Variants in NCAPH2 observed in about 807,000 individuals in gnomAD.
NCAPH2 encodes non-SMC condensin II complex subunit H2.
A neutral mutation model predicts 88.6 loss-of-function variants in NCAPH2; 56 were observed. The ratio of observed to expected loss-of-function variants is 0.63; its 90% confidence interval spans 0.51 to 0.79. The LOEUF (loss-of-function observed/expected upper bound fraction) is 0.79, where lower values mean the gene tolerates loss of function less well. Ranked by LOEUF, NCAPH2 falls within the 30% of genes least tolerant of loss-of-function variation. The probability of loss-of-function intolerance (pLI) is 0.00; values close to 1 mark genes in which losing one functional copy is unlikely to be tolerated. For missense variants in NCAPH2, 794 were observed against 792.0 expected (o/e 1.00, Z -0.03); for synonymous variants, 378 against 313.6 (o/e 1.21, Z -2.17).
chr22:50,515,238 A>C (rs994686306), intron 1 of NCAPH2, among the ~76,000 whole-genome samples: 3 of 152,270 alleles, frequency 2.0e-5, no homozygotes, highest in African/African-American at 7.2e-5. Context: ...GCAAAATTGA[A>C]GAGCTGGAAA....
chr22:50,522,582 C>T lies in NCAPH2; in HGVS notation c.1375+13C>T, dbSNP rs781430188. The T allele has an allele frequency of 3.2e-5, 52 of 1,613,512 alleles. 1 individual carries two copies. Among genetic ancestry groups the T allele is most frequent in the South Asian group, 2.3e-4 (21 of 91,076 alleles). Reference sequence around the variant, plus strand: ...GCCGCTGACCTTGGTAGGTGGGCAGCGGGCTAGGAGTGCTGAGGGGCCACT... The same window carrying T: ...GCCGCTGACCTTGGTAGGTGGGCAGTGGGCTAGGAGTGCTGAGGGGCCACT... On this transcript the variant is annotated intron_variant, in intron 16 of 19. Transcript: ENST00000420993.
intron 9 of NCAPH2, chr22:50,519,828 T>C: frequency 6.7e-6 from 6 of 901,020 alleles, no homozygotes; most frequent in Non-Finnish European, 8.0e-6. Context: ...TTCTATTCAT[T>C]TTTCCTAGTT....
chr22:50,508,421 C>G lies in NCAPH2; in HGVS notation c.84C>G (p.Ala28=), dbSNP rs748807378. 2 of 1,464,100 alleles carry G rather than the reference C, an allele frequency of 1.4e-6. No homozygotes were observed. The highest frequency in any genetic ancestry group is 9.0e-7 in the Non-Finnish European group (1 of 1,108,254). 90.7% of individuals were successfully genotyped at this position (1,464,100 alleles called of 1,614,324 possible). A position where few individuals can be genotyped will look rare whatever the true frequency, so the allele number is the denominator to read the frequency against. The change falls in exon 1 of 20, where the codon GCC becomes GCG. Residue 28 remains alanine (A), a synonymous_variant. Coordinates refer to ENST00000420993, the MANE Select transcript of NCAPH2 (RefSeq NM_152299.4). The stretch of plus-strand genomic sequence containing the variant: ...AGAACTGGGAGGTGGACGTGGCGGC[C>G]CAGCTGGGCGAGTATCTGGAGGAGG... ...LTKNWEVDVA[A]QLGEYLEELD...
intron 2 of NCAPH2, among the ~76,000 whole-genome samples, chr22:50,517,122 G>T (rs907972899): frequency 6.6e-6 from 1 of 152,188 alleles, no homozygotes; most frequent in Non-Finnish European, 1.5e-5. Context: ...ACCAAGGACC[G>T]TGTGATGAGG....
chr22:50,515,774 G>C (rs951647571), intron 1 of NCAPH2: 3 of 1,302,830 alleles, frequency 2.3e-6, no homozygotes, highest in East Asian at 5.6e-5. Flanking sequence ...GAAGATGTTG[G>C]GTAAAGTATG....
rs1359939174 is a variant in NCAPH2, at chr22:50,508,320, G to T, written c.-18G>T. ...AAGGCAGCCCTGCGGTCCCTTTGCCGCCCGTTCCCTCCCGGACATGGAGGA... is the reference window on the plus strand; with the variant it reads ...AAGGCAGCCCTGCGGTCCCTTTGCCTCCCGTTCCCTCCCGGACATGGAGGA... On this transcript the variant is annotated 5_prime_UTR_variant, in exon 1 of 20. Transcript: ENST00000420993. 8.1e-6 allele frequency: 12 copies of T among 1,477,390 alleles called. No individual in the cohort carries two copies. In the Admixed American group the frequency reaches 8.2e-5, roughly 10 times the overall value. The allele number at this position is 1,477,390 out of a possible 1,614,324, so 91.5% of individuals were successfully genotyped here. A position where few individuals can be genotyped will look rare whatever the true frequency, so the allele number is the denominator to read the frequency against.
intron 13 of NCAPH2, 36 bp downstream of exon 13, chr22:50,522,075 C>T (rs753422227): frequency 4.3e-6 from 7 of 1,613,778 alleles, no homozygotes; most frequent in Admixed American, 3.3e-5. Context: ...CAGTTTTACT[C>T]TCCTTCCCCT....
At position 50,524,233 on chromosome 22, in the gene NCAPH2, C is replaced by T. The variant is rs777622192; in HGVS notation, c.*858C>T. 55 of 1,607,126 alleles carry T rather than the reference C, an allele frequency of 3.4e-5. No individual in the cohort carries two copies. The highest frequency in any genetic ancestry group is 1.7e-4 in the African/African-American group (13 of 74,920). On this transcript the variant is annotated 3_prime_UTR_variant, in exon 20 of 20. Coordinates refer to ENST00000420993, the MANE Select transcript of NCAPH2 (RefSeq NM_152299.4). Reference sequence around the variant, plus strand: ...CCCGAACAGGCCTGTGATCAGCAGCCGGGTTCGAAGCCCAGGGCCCTGGGG... The same window carrying T: ...CCCGAACAGGCCTGTGATCAGCAGCTGGGTTCGAAGCCCAGGGCCCTGGGG...
At chr22:50,510,018 G>A (rs1324503250) in intron 1 of NCAPH2, among the ~76,000 whole-genome samples, 1 of 152,102 alleles carries the variant, frequency 6.6e-6, no homozygotes, top group African/African-American at 2.4e-5. Flanking sequence ...TCCGCCTCCT[G>A]GGTTCACATC....
intron 1 of NCAPH2, among the ~76,000 whole-genome samples, chr22:50,513,241 A>C (rs1276965675): frequency 6.6e-6 from 1 of 152,272 alleles, no homozygotes; most frequent in Non-Finnish European, 1.5e-5. Flanking sequence ...ACTGATGGCC[A>C]GGCGAGGTGG....
chr22:50,522,604 C>T (rs1726993581), intron 16 of NCAPH2, 35 bp downstream of exon 16: 2 of 1,613,546 alleles, frequency 1.2e-6, no homozygotes, highest in Admixed American at 3.3e-5. Context: ...GCTGAGGGGC[C>T]ACTGGAGCTG....
At position 50,517,673 on chromosome 22, in the gene NCAPH2, T is replaced by C; in HGVS notation, c.351+12T>C. On this transcript the variant is annotated intron_variant, in intron 4 of 19. Transcript: ENST00000420993. ...AGGCAGAGAATGAGGTGAGTTTCTTTGGCATGTGGTCCCCGCCCACTGTGT... is the reference window on the plus strand; with the variant it reads ...AGGCAGAGAATGAGGTGAGTTTCTTCGGCATGTGGTCCCCGCCCACTGTGT... 1 of 1,614,150 alleles carries C rather than the reference T, an allele frequency of 6.2e-7. No homozygotes were observed. Among genetic ancestry groups the C allele is most frequent in the Non-Finnish European group, 8.5e-7 (1 of 1,180,020 alleles).
At position 50,511,382 on chromosome 22, in the gene NCAPH2, T is replaced by C. The variant is rs543594419; in HGVS notation, c.108+2937T>C. The stretch of plus-strand genomic sequence containing the variant: ...TCGGCTCACTGCAAGCTCCACCTCC[T>C]GGGTTCACACCATTCTCCTGCCTCA... On this transcript the variant is annotated intron_variant, in intron 1 of 19. Transcript: ENST00000420993. Among the ~76,000 whole-genome samples the C allele has an allele frequency of 9.7e-3, 1,357 of 140,612 alleles. 18 individuals are homozygous for C. Among genetic ancestry groups the C allele is most frequent in the Non-Finnish European group, 0.016 (1,092 of 67,380 alleles). 92.2% of individuals were successfully genotyped at this position (140,612 alleles called of 152,430 possible).
chr22:50,508,413 G>C lies in NCAPH2; in HGVS notation c.76G>C (p.Val26Leu), dbSNP rs1390378884. Residue 26 changes from valine to leucine, a missense_variant, in exon 1 of 20, where the codon GTG becomes CTG. This residue lies in a region of NCAPH2 where 59 missense variants were observed against 95.7 expected (regional missense o/e 0.62). Coordinates refer to ENST00000420993, the MANE Select transcript of NCAPH2 (RefSeq NM_152299.4). ...RDLTKNWEVD[V>L]AAQLGEYLEE... The stretch of plus-strand genomic sequence containing the variant: ...CCTCACCAAGAACTGGGAGGTGGAC[G>C]TGGCGGCCCAGCTGGGCGAGTATCT... The C allele has an allele frequency of 6.8e-7, 1 of 1,469,116 alleles. No homozygotes were observed. The highest frequency in any genetic ancestry group is 9.0e-7 in the Non-Finnish European group (1 of 1,111,274). The allele number at this position is 1,469,116 out of a possible 1,614,324, so 91.0% of individuals were successfully genotyped here.
At chr22:50,510,182 A>G (rs2148654736) in intron 1 of NCAPH2, among the ~76,000 whole-genome samples, 1 of 152,168 alleles carries the variant, frequency 6.6e-6, no homozygotes, top group East Asian at 1.9e-4. Flanking sequence ...TGGCCTCCCA[A>G]AGTGCTGGGA....
chr22:50,517,858 C>G (rs1231168766), intron 5 of NCAPH2, 49 bp downstream of exon 5: 3 of 1,607,724 alleles, frequency 1.9e-6, no homozygotes, highest in Non-Finnish European at 1.7e-6. Flanking sequence ...TCAGCACTTT[C>G]CCTGGGGCTG....
chr22:50,522,630 G>T (rs376646705), intron 16 of NCAPH2, 41 bp from the exon 17 acceptor site: 2 of 1,613,524 alleles, frequency 1.2e-6, no homozygotes, highest in Non-Finnish European at 1.7e-6. Flanking sequence ...AGGGGAGAGC[G>T]TGGCCCCTTA....
intron 1 of NCAPH2, among the ~76,000 whole-genome samples, chr22:50,513,687 G>T (rs2068845187): frequency 6.6e-6 from 1 of 152,198 alleles, no homozygotes; most frequent in Non-Finnish European, 1.5e-5. Flanking sequence ...ACTTGAACCT[G>T]GGAGGCAGGG....
intron 1 of NCAPH2, among the ~76,000 whole-genome samples, chr22:50,515,131 A>T (rs927209217): frequency 1.2e-4 from 18 of 152,336 alleles, no homozygotes; most frequent in Non-Finnish European, 2.5e-4. Context: ...ACACGATCAC[A>T]CTAAGGGAGC....
Sources: gnomAD v4.1 joint callset for allele counts (sites outside exome capture counted in the v4.1 genomes callset) on GRCh38, gnomAD v4.1.1 for gene constraint, gnomAD v4.1.1 regional missense constraint, MANE v1.5 for transcripts, NCBI Gene and HGNC (gene_info 2026-07-23, HGNC 2026-07-21) for gene names.